The following PRDM16 variants were observed in gnomAD, a reference collection of about 807,000 sequenced individuals.
The protein encoded by PRDM16 is histone-lysine N-methyltransferase PRDM16.
PRDM16 carries 23 observed loss-of-function variants against 110.6 expected under a neutral mutation model. That is an observed-to-expected ratio of 0.21 (90% confidence interval 0.15 to 0.29). The LOEUF is 0.29. Ranked by LOEUF, PRDM16 falls within the 10% of genes least tolerant of loss-of-function variation. PRDM16 has a pLI of 1.00. For synonymous variants in PRDM16, 799 were observed against 781.8 expected (o/e 1.02, Z -0.37); for missense variants, 1,615 against 1,794.3 (o/e 0.90, Z 1.81).
At chr1:3,269,330 A>G (rs977486916) in intron 3 of PRDM16, among the ~76,000 whole-genome samples, 3 of 151,890 alleles carry the variant, frequency 2.0e-5, no homozygotes, top group Non-Finnish European at 4.4e-5. Flanking sequence ...AGAGGAGGAC[A>G]GTTGGGAGGA....
intron 3 of PRDM16, among the ~76,000 whole-genome samples, chr1:3,381,388 T>C (rs1045210720): frequency 1.2e-4 from 18 of 151,256 alleles, no homozygotes; most frequent in Non-Finnish European, 5.9e-5. Context: ...CCAATACTCT[T>C]GTTTTTTTCT....
At chr1:3,076,588 G>T (rs1641906348) in intron 1 of PRDM16, among the ~76,000 whole-genome samples, 1 of 152,198 alleles carries the variant, frequency 6.6e-6, no homozygotes, top group Admixed American at 6.5e-5. Context: ...CTTCTCCGAG[G>T]GTGTCTGTCT....
intron 3 of PRDM16, among the ~76,000 whole-genome samples, chr1:3,316,161 G>A (rs890059312): frequency 6.6e-6 from 1 of 151,694 alleles, no homozygotes; most frequent in Non-Finnish European, 1.5e-5. Flanking sequence ...GGGCGGGAGG[G>A]ACCTTTCAGC....
intron 2 of PRDM16, among the ~76,000 whole-genome samples, chr1:3,200,203 T>TGGGGGTCTGGCCTGCCGGCCA (rs1319718075): frequency 5.0e-5 from 7 of 141,148 alleles, no homozygotes; most frequent in African/African-American, 1.9e-4. Flanking sequence ...GTCAAGGGCC[T>TGGGGGTCTGGCCTGCCGGCCA]GGGGAGAGGG....
intron 1 of PRDM16, among the ~76,000 whole-genome samples, chr1:3,173,382 G>T (rs773093653): frequency 6.6e-6 from 1 of 152,198 alleles, no homozygotes; most frequent in Non-Finnish European, 1.5e-5. Context: ...TACAGGATGC[G>T]GGCTCTGAAA....
At chr1:3,388,651 G>A (rs568611554) in intron 4 of PRDM16, among the ~76,000 whole-genome samples, 50 of 152,348 alleles carry the variant, frequency 3.3e-4, no homozygotes, top group African/African-American at 1.1e-3. Flanking sequence ...AACTCAGGTC[G>A]ATATTCAGAT....
chr1:3,350,305 G>A lies in PRDM16; in HGVS notation c.439-34847G>A, dbSNP rs185595966. Among the ~76,000 whole-genome samples, 27 of 152,268 alleles carry A rather than the reference G, an allele frequency of 1.8e-4. No homozygotes were observed. The highest frequency in any genetic ancestry group is 1.5e-3 in the South Asian group (7 of 4,822). On this transcript the variant is annotated intron_variant, in intron 3 of 16. Coordinates refer to ENST00000270722, the MANE Select transcript of PRDM16 (RefSeq NM_022114.4). This position sits in a 1 kb window ranked among gnomAD's most constrained non-coding sequence, Gnocchi z 7.1. Reference sequence around the variant, plus strand: ...CACACCACTATACTCCAGCCTGGGCGAGAGAGTGAGACCCTGTCTCAAAAA... The same window carrying A: ...CACACCACTATACTCCAGCCTGGGCAAGAGAGTGAGACCCTGTCTCAAAAA...
chr1:3,409,716 TTGTG>T (rs796889850), intron 8 of PRDM16, among the ~76,000 whole-genome samples: 87 of 140,810 alleles, frequency 6.2e-4, no homozygotes, highest in African/African-American at 2.1e-3. Context: ...TGTGTGTGGT[TTGTG>T]TGGTGTGTGT....
chr1:3,412,767 AGCCCTC>A lies in PRDM16; in HGVS notation c.2576_2581del (p.Ser859_Pro860del). 6.7e-7 allele frequency: 1 copy of A among 1,490,784 alleles called. No individual in the cohort carries two copies. Among genetic ancestry groups the A allele is most frequent in the Non-Finnish European group, 8.9e-7 (1 of 1,119,770 alleles). The allele number at this position is 1,490,784 out of a possible 1,614,324, so 92.3% of individuals were successfully genotyped here. On this transcript the variant is annotated inframe_deletion, in exon 9 of 17. Transcript: ENST00000270722. ...CAGCAGCCCCCGCTCCACTACGCCAAGCCCTCGCCCTTCTTCATGGACCCCATCTAC... is the reference window on the plus strand; with the variant it reads ...CAGCAGCCCCCGCTCCACTACGCCAAGCCCTTCTTCATGGACCCCATCTAC...
rs573221565 is a variant in PRDM16, at chr1:3,297,958, C to T, written c.438+53821C>T. Among the ~76,000 whole-genome samples the T allele has an allele frequency of 1.2e-3, 184 of 152,050 alleles. 1 individual carries two copies. Among genetic ancestry groups the T allele is most frequent in the Non-Finnish European group, 2.2e-3 (150 of 67,984 alleles). On this transcript the variant is annotated intron_variant, in intron 3 of 16. Coordinates refer to ENST00000270722, the MANE Select transcript of PRDM16 (RefSeq NM_022114.4). ...GACTGCATGGCAAGCTCCGCAGGAG[C>T]CAGCTCTGCAGGGGCCAGACTGCAT...
intron 14 of PRDM16, among the ~76,000 whole-genome samples, chr1:3,428,572 G>A (rs937449379): frequency 3.9e-5 from 6 of 152,218 alleles, no homozygotes; most frequent in Non-Finnish European, 7.4e-5. Flanking sequence ...GAGAGCCCCT[G>A]CGTCACTGAC....
chr1:3,228,455 G>A (rs1258350362), intron 2 of PRDM16, among the ~76,000 whole-genome samples: 2 of 152,196 alleles, frequency 1.3e-5, no homozygotes, highest in African/African-American at 4.8e-5. Flanking sequence ...GTTTTTGTGC[G>A]CCTCTCAGAG....
At chr1:3,192,906 C>A (rs988767885) in intron 2 of PRDM16, among the ~76,000 whole-genome samples, 5 of 152,204 alleles carry the variant, frequency 3.3e-5, no homozygotes, top group Middle Eastern at 3.2e-3. Flanking sequence ...AAATGAAGAA[C>A]CTTGGCCCCT....
intron 1 of PRDM16, among the ~76,000 whole-genome samples, chr1:3,100,667 C>T (rs1570249172): frequency 6.6e-6 from 1 of 152,162 alleles, no homozygotes; most frequent in Admixed American, 6.5e-5. Flanking sequence ...AACCCGTTTG[C>T]CCAGGGAGGA....
rs187518006 is a variant in PRDM16 at position 3,082,321 on chromosome 1, G to A, written c.37+13025G>A. On this transcript the variant is annotated intron_variant, in intron 1 of 16. Coordinates refer to ENST00000270722, the MANE Select transcript of PRDM16 (RefSeq NM_022114.4). ...CAGGCAGGAGGCCCTGTGGGTCCAGGAGGGCGCCTCGGGGTCTGCCTGGCC... is the reference window on the plus strand; with the variant it reads ...CAGGCAGGAGGCCCTGTGGGTCCAGAAGGGCGCCTCGGGGTCTGCCTGGCC... Among the ~76,000 whole-genome samples the A allele has an allele frequency of 5.1e-3, 781 of 152,330 alleles. 4 individuals are homozygous for A. Among genetic ancestry groups the A allele is most frequent in the Non-Finnish European group, 8.2e-3 (559 of 68,038 alleles).
At chr1:3,288,384 C>G (rs1414007464) in intron 3 of PRDM16, among the ~76,000 whole-genome samples, 1 of 152,204 alleles carries the variant, frequency 6.6e-6, no homozygotes, top group Non-Finnish European at 1.5e-5. Context: ...ACCTCAGTTT[C>G]CAGACAAAGG....
chr1:3,396,795 C>CTAA (rs1234728156), intron 5 of PRDM16, among the ~76,000 whole-genome samples: 1 of 152,230 alleles, frequency 6.6e-6, no homozygotes, highest in Non-Finnish European at 1.5e-5. Flanking sequence ...AAGGCTCAAC[C>CTAA]TAATGGCTTT....
intron 1 of PRDM16, among the ~76,000 whole-genome samples, chr1:3,084,953 C>T (rs1013247021): frequency 3.3e-5 from 5 of 152,300 alleles, no homozygotes; most frequent in Non-Finnish European, 5.9e-5. Context: ...GCGCACCCTG[C>T]GGCAGGTGTT....
chr1:3,159,975 AT>A (rs2100738245), intron 1 of PRDM16, among the ~76,000 whole-genome samples: 1 of 152,372 alleles, frequency 6.6e-6, no homozygotes, highest in African/African-American at 2.4e-5. Flanking sequence ...CACTAAAAAA[AT>A]CATCCACCGC....
Sources: gnomAD v4.1 joint callset for allele counts (sites outside exome capture counted in the v4.1 genomes callset) on GRCh38, gnomAD v4.1.1 for gene constraint, Gnocchi (gnomAD v3.1) non-coding constraint, MANE v1.5 for transcripts, NCBI Gene and HGNC (gene_info 2026-07-23, HGNC 2026-07-21) for gene names.